ZNF438: variants seen among roughly 807,000 people sequenced by gnomAD.
The protein encoded by ZNF438 is zinc finger protein 438.
In ZNF438, 25 loss-of-function variants were observed where a neutral mutation model predicts 38.0. That is an observed-to-expected ratio of 0.66 (90% CI 0.48 to 0.92). The LOEUF is 0.92. ZNF438 is among the 40% of genes least tolerant of loss of function. The pLI, the probability that ZNF438 is intolerant of heterozygous loss-of-function variation, is 0.00. For missense variants in ZNF438, 1,007 were observed against 999.6 expected, an observed-to-expected ratio of 1.01 and a Z score of -0.10; for synonymous variants, 372 against 364.1, an observed-to-expected ratio of 1.02 and a Z score of -0.25.
At chr10:30,942,319 G>A (rs1206763358) in intron 1 of ZNF438, among the ~76,000 whole-genome samples, 1 of 152,190 alleles carries the variant, frequency 6.6e-6, no homozygotes, top group Non-Finnish European at 1.5e-5. Flanking sequence ...AGGGTGTTTG[G>A]CAGAAAACAC....
upstream of ZNF438, among the ~76,000 whole-genome samples, chr10:31,032,233 GGTA>G (rs2057338038): frequency 6.6e-6 from 1 of 152,214 alleles, no homozygotes; most frequent in Non-Finnish European, 1.5e-5. Context: ...TGGGTTGTGA[GGTA>G]GTTTTTCCAC....
rs115076162 is a variant in ZNF438, at chr10:30,871,000, G to A, written c.37+5998C>T. On this transcript the variant is annotated intron_variant, in intron 4 of 5. Transcript: ENST00000413025. ...GATCAGTGTTCCTTCACCAGATGGA[G>A]AGGAAAGGGGAGATATGGCCAAGGA... is the stretch of plus-strand genomic sequence containing the variant. 9.9e-3 allele frequency among the ~76,000 whole-genome samples: 1,510 copies of A among 152,258 alleles called. 26 individuals carry two copies. The highest frequency in any genetic ancestry group is 0.034 in the African/African-American group (1,398 of 41,532).
intron 1 of ZNF438, among the ~76,000 whole-genome samples, chr10:31,014,302 T>C (rs1051508662): frequency 6.6e-6 from 1 of 152,234 alleles, no homozygotes; most frequent in African/African-American, 2.4e-5. Context: ...CTCACAGCTC[T>C]GTAGGCTGAG....
chr10:31,025,117 T>G (rs528299876), intron 1 of ZNF438, among the ~76,000 whole-genome samples: 1 of 152,238 alleles, frequency 6.6e-6, no homozygotes, highest in African/African-American at 2.4e-5. Flanking sequence ...TTTGTCCAAG[T>G]CAGGCATTTG....
intron 5 of ZNF438, among the ~76,000 whole-genome samples, chr10:30,847,810 G>A (rs1012367216): frequency 1.3e-5 from 2 of 152,336 alleles, no homozygotes; most frequent in Non-Finnish European, 2.9e-5. Flanking sequence ...AGCAGCAGCC[G>A]GCGTGCCTGC....
chr10:30,927,389 T>G (rs866955536), intron 2 of ZNF438, among the ~76,000 whole-genome samples: 6 of 152,198 alleles, frequency 3.9e-5, no homozygotes, highest in Non-Finnish European at 8.8e-5. Context: ...TATATGACCT[T>G]GGAGGAAAAT....
At chr10:30,935,449 A>C (rs1393335835) in intron 2 of ZNF438, among the ~76,000 whole-genome samples, 1 of 152,102 alleles carries the variant, frequency 6.6e-6, no homozygotes, top group Admixed American at 6.5e-5. Context: ...GAGAGGAAGC[A>C]AGAGGGGAGG....
At chr10:31,015,700 A>C (rs538286421) in intron 1 of ZNF438, among the ~76,000 whole-genome samples, 2 of 152,284 alleles carry the variant, frequency 1.3e-5, no homozygotes, top group South Asian at 4.2e-4. Flanking sequence ...AAGCAATCTA[A>C]ATGCCAATAT....
chr10:31,027,755 G>A (rs2057035090), intron 1 of ZNF438, among the ~76,000 whole-genome samples: 1 of 152,122 alleles, frequency 6.6e-6, no homozygotes, highest in Non-Finnish European at 1.5e-5. Flanking sequence ...TGCAAAATGA[G>A]ATGGCACCCC....
intron 2 of ZNF438, 53 bp from the exon 4 acceptor site, chr10:30,909,068 T>C (rs1365810833): frequency 2.0e-5 from 3 of 152,154 alleles, no homozygotes; most frequent in African/African-American, 7.2e-5. Flanking sequence ...TACAAAACAG[T>C]ATTATTAGCA....
chr10:30,939,215 A>T lies in ZNF438; in HGVS notation c.-115+2360T>A, dbSNP rs76379679. On this transcript the variant is annotated intron_variant, in intron 2 of 5. Coordinates refer to ENST00000413025, the Ensembl canonical transcript of ZNF438. Reference sequence around the variant, plus strand: ...ATGACTGAATAAATTAAATTCTCTGAAATTTATGAAGTGTTTTTTCTTACA... The same window carrying T: ...ATGACTGAATAAATTAAATTCTCTGTAATTTATGAAGTGTTTTTTCTTACA... 3.3e-3 allele frequency among the ~76,000 whole-genome samples: 501 copies of T among 152,320 alleles called. 1 individual carries two copies. Among genetic ancestry groups the T allele is most frequent in the Non-Finnish European group, 5.4e-3 (369 of 68,024 alleles).
chr10:30,855,621 A>G (rs1201353885), intron 4 of ZNF438, among the ~76,000 whole-genome samples: 1 of 152,258 alleles, frequency 6.6e-6, no homozygotes, highest in East Asian at 1.9e-4. Flanking sequence ...CCACAGAAAC[A>G]GAAGAGAAAA....
intron 4 of ZNF438, among the ~76,000 whole-genome samples, chr10:30,850,656 G>A (rs112844689): frequency 3.3e-5 from 5 of 152,272 alleles, no homozygotes; most frequent in African/African-American, 1.2e-4. Context: ...AACACTGCTT[G>A]ACAGCGAAAA....
At chr10:30,916,821 C>T (rs1449687833) in intron 2 of ZNF438, among the ~76,000 whole-genome samples, 1 of 151,976 alleles carries the variant, frequency 6.6e-6, no homozygotes, top group Non-Finnish European at 1.5e-5. Flanking sequence ...AGTGGAGTTG[C>T]TTGGTTGATA....
intron 1 of ZNF438, among the ~76,000 whole-genome samples, chr10:30,996,698 C>A (rs1176382882): frequency 6.6e-6 from 1 of 151,922 alleles, no homozygotes; most frequent in Admixed American, 6.6e-5. Flanking sequence ...CACTGTAAGA[C>A]AGCCAGACCT....
At chr10:30,944,794 G>A (rs181563243) in intron 1 of ZNF438, among the ~76,000 whole-genome samples, 3 of 152,252 alleles carry the variant, frequency 2.0e-5, no homozygotes, top group African/African-American at 4.8e-5. Context: ...GAGGAGAAAC[G>A]GTTGTTTCAA....
At chr10:30,872,492 T>C (rs989643399) in intron 4 of ZNF438, among the ~76,000 whole-genome samples, 18 of 137,356 alleles carry the variant, frequency 1.3e-4, no homozygotes, top group African/African-American at 4.5e-4. Context: ...GGCTGACACC[T>C]GTAATCCCAG....
At chr10:30,857,659 A>G (rs895042976) in intron 4 of ZNF438, 25 of 1,490,226 alleles carry the variant, frequency 1.7e-5, no homozygotes, top group Non-Finnish European at 2.2e-5. Flanking sequence ...GCATATTTTT[A>G]TATTTGAATT....
chr10:30,977,003 A>G (rs771731637), intron 1 of ZNF438, among the ~76,000 whole-genome samples: 1 of 152,166 alleles, frequency 6.6e-6, no homozygotes, highest in Non-Finnish European at 1.5e-5. Flanking sequence ...GGTCTGTGTA[A>G]CTTTACGAAA....
Sources: gnomAD v4.1 joint callset for allele counts (sites outside exome capture counted in the v4.1 genomes callset) on GRCh38, gnomAD v4.1.1 for gene constraint, MANE v1.5 for transcripts, NCBI Gene and HGNC (gene_info 2026-07-23, HGNC 2026-07-21) for gene names.